Variants in CNTN3 observed in about 807,000 individuals in gnomAD.
The protein encoded by CNTN3 is contactin 3.
Under a neutral mutation model 119.1 loss-of-function variants are expected in CNTN3, and 60 were observed. The ratio of observed to expected loss-of-function variants is 0.50; its 90% CI spans 0.41 to 0.62. CNTN3 has a LOEUF of 0.62. CNTN3 is among the 20% of genes least tolerant of loss of function. The probability of loss-of-function intolerance (pLI) is 0.00; values close to 1 mark genes in which losing one functional copy is unlikely to be tolerated. For synonymous variants in CNTN3, 450 were observed against 438.7 expected (o/e 1.03, Z -0.32); for missense variants, 1,101 against 1,242.4 (o/e 0.89, Z 1.71).
At chr3:74,481,054 T>C (rs914325836) in intron 4 of CNTN3, among the ~76,000 whole-genome samples, 3 of 151,906 alleles carry the variant, frequency 2.0e-5, no homozygotes, top group African/African-American at 4.8e-5. Context: ...AAATGCTCTA[T>C]TGAAGATAGT....
chr3:74,443,723 G>A (rs1702003159), intron 4 of CNTN3, among the ~76,000 whole-genome samples: 1 of 152,082 alleles, frequency 6.6e-6, no homozygotes, highest in Non-Finnish European at 1.5e-5. Flanking sequence ...TCTCAACTTA[G>A]GTGTTGTTTC....
chr3:74,403,721 G>A (rs1323011142), intron 5 of CNTN3, among the ~76,000 whole-genome samples: 2 of 152,052 alleles, frequency 1.3e-5, no homozygotes, highest in Non-Finnish European at 2.9e-5. Flanking sequence ...AAGTGATCAT[G>A]AAACCAAAAG....
chr3:74,424,834 GCATGA>G lies in CNTN3; in HGVS notation c.454+6_454+10del. ...AATAAATATGAAAAGCAGAAACAGA[GCATGA>G]CTTACCTCCAGAGTGTGGTGGGGGG... On this transcript the variant is annotated splice_donor_region_variant and intron_variant, in intron 5 of 22. Transcript: ENST00000263665. 6.2e-7 allele frequency: 1 copy of G among 1,610,550 alleles called. No individual in the cohort carries two copies. The highest frequency in any genetic ancestry group is 8.5e-7 in the Non-Finnish European group (1 of 1,177,048).
At chr3:74,516,635 T>C (rs1373413765) in intron 2 of CNTN3, among the ~76,000 whole-genome samples, 4 of 150,632 alleles carry the variant, frequency 2.7e-5, no homozygotes, top group Non-Finnish European at 4.4e-5. Context: ...ATTTTCATAC[T>C]TGGGGGGATG....
At chr3:74,320,244 A>T (rs1702953117) in intron 13 of CNTN3, among the ~76,000 whole-genome samples, 1 of 152,214 alleles carries the variant, frequency 6.6e-6, no homozygotes, top group Non-Finnish European at 1.5e-5. Flanking sequence ...CACTATTCAC[A>T]ATAGTAAAGA....
intron 1 of CNTN3, among the ~76,000 whole-genome samples, chr3:74,579,953 A>AAT (rs888223220): frequency 6.6e-6 from 1 of 152,186 alleles, no homozygotes; most frequent in African/African-American, 2.4e-5. Flanking sequence ...TGTTTCTTTG[A>AAT]ATATATATAT....
intron 5 of CNTN3, among the ~76,000 whole-genome samples, chr3:74,420,161 C>A (rs2106888261): frequency 6.6e-6 from 1 of 152,260 alleles, no homozygotes; most frequent in African/African-American, 2.4e-5. Context: ...GAGATAAGAA[C>A]CCTCTCAGAT....
At chr3:74,427,190 C>A in intron 4 of CNTN3, among the ~76,000 whole-genome samples, 1 of 152,158 alleles carries the variant, frequency 6.6e-6, no homozygotes, top group Non-Finnish European at 1.5e-5. Context: ...ATGGACGTAG[C>A]ATCAGGAAGC....
intron 5 of CNTN3, among the ~76,000 whole-genome samples, chr3:74,419,836 G>C (rs1388287396): frequency 6.6e-6 from 1 of 152,154 alleles, no homozygotes; most frequent in East Asian, 1.9e-4. Flanking sequence ...ATCATAAGGT[G>C]CCCATGAACT....
chr3:74,537,489 G>T (rs1703782983), intron 1 of CNTN3, among the ~76,000 whole-genome samples: 1 of 152,138 alleles, frequency 6.6e-6, no homozygotes, highest in Non-Finnish European at 1.5e-5. Flanking sequence ...GGAACCACTA[G>T]CTAGGACACA....
At chr3:74,439,155 G>A (rs543016506) in intron 4 of CNTN3, among the ~76,000 whole-genome samples, 1 of 152,150 alleles carries the variant, frequency 6.6e-6, no homozygotes, top group African/African-American at 2.4e-5. Flanking sequence ...TGGAAAAAAT[G>A]CTTCTCTAAT....
chr3:74,493,440 C>T (rs772605911), intron 3 of CNTN3, among the ~76,000 whole-genome samples: 8 of 152,052 alleles, frequency 5.3e-5, no homozygotes, highest in Admixed American at 3.3e-4. Flanking sequence ...GGACAATGGA[C>T]ATACAAACAA....
chr3:74,401,432 T>C (rs968868445), intron 5 of CNTN3, among the ~76,000 whole-genome samples: 1 of 152,164 alleles, frequency 6.6e-6, no homozygotes, highest in Non-Finnish European at 1.5e-5. Flanking sequence ...AGGGCTTTAA[T>C]AGCTCTAGTT....
chr3:74,399,114 CTG>C (rs1705126254), intron 5 of CNTN3, among the ~76,000 whole-genome samples: 1 of 152,056 alleles, frequency 6.6e-6, no homozygotes, highest in Non-Finnish European at 1.5e-5. Flanking sequence ...TCCTATCTAA[CTG>C]TAAGTTTTTT....
intron 5 of CNTN3, among the ~76,000 whole-genome samples, chr3:74,424,474 CAGAGAG>C (rs71625974): frequency 4.2e-5 from 6 of 142,496 alleles, no homozygotes; most frequent in African/African-American, 7.7e-5. Context: ...GTGTGTGTGA[CAGAGAG>C]AGAGAGAGAG....
chr3:74,480,801 T>C (rs1702750210), intron 4 of CNTN3, among the ~76,000 whole-genome samples: 1 of 151,882 alleles, frequency 6.6e-6, no homozygotes, highest in Admixed American at 6.6e-5. Flanking sequence ...GCTATACTAT[T>C]TAAAACATTA....
intron 11 of CNTN3, among the ~76,000 whole-genome samples, chr3:74,353,372 C>A (rs1703858960): frequency 6.6e-6 from 1 of 152,162 alleles, no homozygotes; most frequent in Non-Finnish European, 1.5e-5. Flanking sequence ...GCAAAAGTGG[C>A]CAGTTAGGAG....
chr3:74,601,414 C>G (rs114964545), intron 1 of CNTN3, among the ~76,000 whole-genome samples: 1 of 152,216 alleles, frequency 6.6e-6, no homozygotes, highest in East Asian at 1.9e-4. Flanking sequence ...TTTAATTGAA[C>G]GGTACACTCT....
In CNTN3 at chr3:74,548,694, T is replaced by C. The variant is rs190530710; in HGVS notation, c.-80-27502A>G. 2.6e-5 allele frequency among the ~76,000 whole-genome samples: 4 copies of C among 152,296 alleles called. No individual in the cohort carries two copies. In the East Asian group the frequency reaches 5.8e-4, roughly 22 times the overall value. ...ATTATTTTTTTCATCAACATTATAA[T>C]TGAAACAACACTGAAGGGAATAACA... is the stretch of plus-strand genomic sequence containing the variant. On this transcript the variant is annotated intron_variant, in intron 1 of 22. Transcript: ENST00000263665.
Sources: gnomAD v4.1 joint callset for allele counts (sites outside exome capture counted in the v4.1 genomes callset) on GRCh38, gnomAD v4.1.1 for gene constraint, MANE v1.5 for transcripts, NCBI Gene and HGNC (gene_info 2026-07-23, HGNC 2026-07-21) for gene names.